Variants in ZEB2 observed in about 807,000 individuals in gnomAD.
ZEB2 encodes the protein zinc finger E-box-binding homeobox 2.
In ZEB2, 6 loss-of-function variants were observed where a neutral mutation model predicts 99.9. That is an observed-to-expected ratio of 0.06 (90% CI 0.03 to 0.12). The LOEUF is 0.12. ZEB2 is among the 10% of genes least tolerant of loss of function. The pLI, the probability that ZEB2 is intolerant of heterozygous loss-of-function variation, is 1.00. For synonymous variants in ZEB2, 517 were observed against 542.5 expected (o/e 0.95, Z 0.65); for missense variants, 969 against 1,502.8 (o/e 0.64, Z 5.87).
In ZEB2 at chr2:144,389,607, T is replaced by C. The variant is rs1573707668; in HGVS notation, c.3489A>G (p.Glu1163=). The C allele has an allele frequency of 6.2e-7, 1 of 1,614,168 alleles. No homozygotes were observed. The highest frequency in any genetic ancestry group is 8.5e-7 in the Non-Finnish European group (1 of 1,180,040). The change falls in exon 10 of 10, where the codon GAA becomes GAG. Residue 1163 remains glutamate (E), a synonymous_variant. Coordinates refer to ENST00000627532, the MANE Select transcript of ZEB2 (RefSeq NM_014795.4). This position sits in a 1 kb window ranked among gnomAD's most constrained non-coding sequence, Gnocchi z 6.8. ...RQDGDEEFEE[E]EEESENKSMD... The stretch of plus-strand genomic sequence containing the variant: ...TACTTTTATTTTCACTTTCTTCCTC[T>C]TCCTCCTCGAACTCCTCGTCGCCAT...
chr2:144,470,124 C>T (rs1468889766), intron 2 of ZEB2, among the ~76,000 whole-genome samples: 2 of 152,180 alleles, frequency 1.3e-5, no homozygotes, highest in Non-Finnish European at 2.9e-5. Context: ...AATCTCCATA[C>T]TTTGTTTTTA....
At chr2:144,447,778 G>A (rs1704005706) in intron 2 of ZEB2, among the ~76,000 whole-genome samples, 1 of 152,200 alleles carries the variant, frequency 6.6e-6, no homozygotes, top group African/African-American at 2.4e-5. Flanking sequence ...AATAGGAAGT[G>A]CAAAGAGAGG....
chr2:144,426,398 C>T lies in ZEB2; in HGVS notation c.332-1531G>A, dbSNP rs550567992. On this transcript the variant is annotated intron_variant, in intron 3 of 9. Transcript: ENST00000627532. The stretch of plus-strand genomic sequence containing the variant: ...ATATAAATATAGCTTTTGTGTCTTT[C>T]TTCCTTGCTCATCTCATGTGATTTC... 4.6e-5 allele frequency: 7 copies of T among 152,182 alleles called. No homozygotes were observed. The South Asian group carries it at 1.5e-3, about 32-fold the overall frequency. 9.4% of individuals were successfully genotyped at this position (152,182 alleles called of 1,614,324 possible). A position where few individuals can be genotyped will look rare whatever the true frequency, so the allele number is the denominator to read the frequency against.
intron 2 of ZEB2, among the ~76,000 whole-genome samples, chr2:144,487,218 G>C (rs1371338964): frequency 6.6e-6 from 1 of 151,896 alleles, no homozygotes. Context: ...TTAAGTTTTG[G>C]ACATGCAGGA....
chr2:144,512,645 A>C, intron 2 of ZEB2: 1 of 1,286,998 alleles, frequency 7.8e-7, no homozygotes, highest in Non-Finnish European at 1.0e-6. Context: ...TCCTCAGCCC[A>C]CCCTTAGTCC....
intron 2 of ZEB2, among the ~76,000 whole-genome samples, chr2:144,456,601 G>C (rs974731008): frequency 1.3e-5 from 2 of 151,978 alleles, no homozygotes; most frequent in African/African-American, 4.8e-5. Context: ...AAAAAATTAT[G>C]TAAAATACAA....
rs1296980511 is a variant in ZEB2 at position 144,404,157 on chromosome 2, G to T, written c.593-27C>A. 1.9e-6 allele frequency: 3 copies of T among 1,606,092 alleles called. No homozygotes were observed. The South Asian group carries it at 3.3e-5, about 18-fold the overall frequency. ...TGTAGCCGAGAGACAGAGAGAGAGA[G>T]AAGCGGGCCAAAAGGTCAGTAAATC... On this transcript the variant is annotated intron_variant, in intron 5 of 9. Transcript: ENST00000627532.
rs1489358765 is a variant in ZEB2 at position 144,388,833 on chromosome 2, C to T, written c.*618G>A. 7 of 446,772 alleles carry T rather than the reference C, an allele frequency of 1.6e-5. No homozygotes were observed. Among genetic ancestry groups the T allele is most frequent in the African/African-American group, 1.5e-4 (7 of 47,970 alleles). 27.7% of individuals were successfully genotyped at this position (446,772 alleles called of 1,614,324 possible). On this transcript the variant is annotated 3_prime_UTR_variant, in exon 10 of 10. Transcript: ENST00000627532. This position sits in a 1 kb window ranked among gnomAD's most constrained non-coding sequence, Gnocchi z 5.4. ...CTTACTTTTTCCTTCACGTCCAGGTCACTTTAAGACTTCGGTATCTTAAAT... is the reference window on the plus strand; with the variant it reads ...CTTACTTTTTCCTTCACGTCCAGGTTACTTTAAGACTTCGGTATCTTAAAT...
rs1292418269 is a variant in ZEB2, at chr2:144,498,036, ATAT to A, written c.73+19239_73+19241del. Reference sequence around the variant, plus strand: ...ATTAATATTATATATTATATAATATATATTAATATTATATATTATATAATATAT... The same window carrying A: ...ATTAATATTATATATTATATAATATATAATATTATATATTATATAATATAT... On this transcript the variant is annotated intron_variant, in intron 2 of 9. Transcript: ENST00000627532. Among the ~76,000 whole-genome samples, 27 of 55,456 alleles carry A rather than the reference ATAT, an allele frequency of 4.9e-4. 2 individuals carry two copies. Among genetic ancestry groups the A allele is most frequent in the Non-Finnish European group, 8.3e-4 (25 of 30,222 alleles). 36.4% of individuals were successfully genotyped at this position (55,456 alleles called of 152,430 possible).
At chr2:144,395,955 A>T (rs527905684) in intron 9 of ZEB2, among the ~76,000 whole-genome samples, 9 of 119,756 alleles carry the variant, frequency 7.5e-5, no homozygotes, top group East Asian at 4.4e-4. Context: ...TGGCGAATTT[A>T]AAAAAAAAAG....
At chr2:144,394,145 TC>T (rs1703189344) in intron 9 of ZEB2, among the ~76,000 whole-genome samples, 1 of 152,166 alleles carries the variant, frequency 6.6e-6, no homozygotes, top group African/African-American at 2.4e-5. Flanking sequence ...GGTCTTGAAC[TC>T]CCGCTCTCAG....
rs1412617766 is a variant in ZEB2, at chr2:144,386,427, G to T, written c.*3024C>A. On this transcript the variant is annotated 3_prime_UTR_variant, in exon 10 of 10. Transcript: ENST00000627532. Reference sequence around the variant, plus strand: ...TCAGATATGGGACATTGTAGTGATTGTCACAATTCACAAGTGTTATCCTGA... The same window carrying T: ...TCAGATATGGGACATTGTAGTGATTTTCACAATTCACAAGTGTTATCCTGA... 2 of 152,120 alleles carry T rather than the reference G, an allele frequency of 1.3e-5. No individual in the cohort carries two copies. The highest frequency in any genetic ancestry group is 2.9e-5 in the Non-Finnish European group (2 of 68,006). The allele number at this position is 152,120 out of a possible 1,614,324, so 9.4% of individuals were successfully genotyped here. A position where few individuals can be genotyped will look rare whatever the true frequency, so the allele number is the denominator to read the frequency against.
chr2:144,413,824 G>A (rs945580134), intron 4 of ZEB2, among the ~76,000 whole-genome samples: 6 of 152,022 alleles, frequency 3.9e-5, no homozygotes, highest in South Asian at 4.2e-4. Context: ...AACTTGTATC[G>A]CTTCTGTTAC....
chr2:144,404,966 C>T lies in ZEB2; in HGVS notation c.462G>A (p.Glu154=), dbSNP rs372940559. 3.6e-4 allele frequency: 574 copies of T among 1,614,122 alleles called. No homozygotes were observed. Among genetic ancestry groups the T allele is most frequent in the Non-Finnish European group, 4.4e-4 (524 of 1,180,044 alleles). Reference sequence around the variant, plus strand: ...TGCTGACTGCATGACCATCGCGTTCCTCCAGTTTTCTTTTGGCAAAGTATT... The same window carrying T: ...TGCTGACTGCATGACCATCGCGTTCTTCCAGTTTTCTTTTGGCAAAGTATT... ...FEEYFAKRKL[E]ERDGHAVSIE... The change falls in exon 5 of 10, where the codon GAG becomes GAA. Residue 154 remains glutamate, a synonymous_variant. Coordinates refer to ENST00000627532, the MANE Select transcript of ZEB2 (RefSeq NM_014795.4).
chr2:144,467,312 G>A (rs1191875433), intron 2 of ZEB2, among the ~76,000 whole-genome samples: 4 of 152,094 alleles, frequency 2.6e-5, no homozygotes, highest in Non-Finnish European at 5.9e-5. Flanking sequence ...TCTCTGAACT[G>A]CTCAAATCAT....
At chr2:144,395,377 G>T (rs1393501738) in intron 9 of ZEB2, among the ~76,000 whole-genome samples, 1 of 151,728 alleles carries the variant, frequency 6.6e-6, no homozygotes, top group Non-Finnish European at 1.5e-5. Context: ...TCCCCCCAAA[G>T]TGCTAGTTTT....
intron 2 of ZEB2, among the ~76,000 whole-genome samples, chr2:144,440,900 G>C (rs1373716067): frequency 6.6e-6 from 1 of 151,490 alleles, no homozygotes; most frequent in African/African-American, 2.4e-5. Context: ...TCAAATAATT[G>C]GGGGTTGGAT....
intron 2 of ZEB2, among the ~76,000 whole-genome samples, chr2:144,430,286 C>T (rs1049199002): frequency 2.0e-5 from 3 of 152,110 alleles, no homozygotes; most frequent in African/African-American, 7.2e-5. Flanking sequence ...CATAGACACA[C>T]AAACTATGCC....
intron 2 of ZEB2, among the ~76,000 whole-genome samples, chr2:144,493,891 G>GCCTGTAATC (rs1218515031): frequency 6.6e-6 from 1 of 152,058 alleles, no homozygotes; most frequent in African/African-American, 2.4e-5. Context: ...AGTGGCTCAC[G>GCCTGTAATC]CCTGTAATCC....
Sources: allele counts gnomAD v4.1 joint callset (sites outside exome capture counted in the v4.1 genomes callset), GRCh38; gene constraint gnomAD v4.1.1; non-coding constraint Gnocchi (gnomAD v3.1); transcripts MANE v1.5; gene names NCBI Gene and HGNC (gene_info 2026-07-23, HGNC 2026-07-21).